The following SNTG2 variants were observed in gnomAD, a reference collection of about 807,000 sequenced individuals.
SNTG2 encodes gamma-2-syntrophin.
SNTG2 carries 74 observed loss-of-function variants against 70.9 expected under a neutral mutation model. That is an observed-to-expected ratio of 1.04 (90% CI 0.86 to 1.27). SNTG2 has a LOEUF of 1.27. Among genes scored for constraint, SNTG2 ranks in the 50% most tolerant of loss-of-function variants. The pLI, the probability that SNTG2 is intolerant of heterozygous loss-of-function variation, is 0.00. For missense variants in SNTG2, 717 were observed against 690.7 expected (o/e 1.04, Z -0.43); for synonymous variants, 278 against 273.8 (o/e 1.02, Z -0.15).
chr2:1,346,222 C>T (rs527398511), intron 16 of SNTG2, among the ~76,000 whole-genome samples: 512 of 35,352 alleles, frequency 0.014, 77 homozygotes, highest in Non-Finnish European at 0.019. Flanking sequence ...TGGCACTTTT[C>T]CCCCTGTTCT....
chr2:1,359,670 A>G (rs1661036859), intron 16 of SNTG2, among the ~76,000 whole-genome samples: 1 of 152,156 alleles, frequency 6.6e-6, no homozygotes, highest in Admixed American at 6.5e-5. Context: ...ACTCAAAAAT[A>G]ATATTATTTA....
intron 16 of SNTG2, among the ~76,000 whole-genome samples, chr2:1,327,571 T>C (rs905903005): frequency 6.6e-6 from 1 of 152,208 alleles, no homozygotes; most frequent in East Asian, 1.9e-4. Flanking sequence ...TTCTAATTTT[T>C]TGGAAAATTT....
chr2:959,168 T>C (rs1384332764), intron 1 of SNTG2, among the ~76,000 whole-genome samples: 2 of 152,102 alleles, frequency 1.3e-5, no homozygotes, highest in Non-Finnish European at 2.9e-5. Flanking sequence ...AAGAGGAAAA[T>C]CTAGTAGCTG....
At chr2:951,228 G>A (rs149168027) in intron 1 of SNTG2, among the ~76,000 whole-genome samples, 160 bp downstream of exon 1, 1 of 152,118 alleles carries the variant, frequency 6.6e-6, no homozygotes, top group Non-Finnish European at 1.5e-5. Flanking sequence ...CGGAGCCCCG[G>A]GACGCAGTGG....
intron 1 of SNTG2, among the ~76,000 whole-genome samples, chr2:1,016,091 A>G (rs1284978730): frequency 1.3e-5 from 2 of 152,216 alleles, no homozygotes; most frequent in Non-Finnish European, 2.9e-5. Context: ...GGCTATCTCC[A>G]TCAACATATC....
intron 15 of SNTG2, among the ~76,000 whole-genome samples, chr2:1,310,610 C>T (rs572332524): frequency 3.2e-4 from 48 of 152,060 alleles, no homozygotes; most frequent in Non-Finnish European, 6.2e-4. Context: ...AGACACATTT[C>T]CTACCTTCAT....
intron 1 of SNTG2, among the ~76,000 whole-genome samples, chr2:957,025 T>C (rs73908620): frequency 0.03 from 4,515 of 152,348 alleles, 214 homozygotes; most frequent in African/African-American, 0.1. Context: ...AATTATATTT[T>C]ACCAAATGGC....
intron 4 of SNTG2, among the ~76,000 whole-genome samples, chr2:1,116,630 GTGGGTGCTCCAGTGTA>G (rs1666998301): frequency 7.0e-6 from 1 of 142,842 alleles, no homozygotes; most frequent in African/African-American, 2.6e-5. Flanking sequence ...GCTCTGGTGT[GTGGGTGCTCCAGTGTA>G]TGAGTGCCCT....
At chr2:1,059,543 A>G (rs895901876) in intron 1 of SNTG2, among the ~76,000 whole-genome samples, 4 of 152,196 alleles carry the variant, frequency 2.6e-5, no homozygotes, top group Admixed American at 6.5e-5. Flanking sequence ...TGGAACTTTA[A>G]TCTTTTGGAT....
chr2:1,321,130 T>A (rs545835013), intron 16 of SNTG2, among the ~76,000 whole-genome samples: 1 of 152,238 alleles, frequency 6.6e-6, no homozygotes, highest in Non-Finnish European at 1.5e-5. Context: ...GTCAGGAAAA[T>A]GGGATACCTT....
chr2:1,116,042 T>C (rs1027338020), intron 4 of SNTG2, among the ~76,000 whole-genome samples: 6 of 152,152 alleles, frequency 3.9e-5, no homozygotes, highest in Non-Finnish European at 8.8e-5. Context: ...ACCAACACAC[T>C]AGTGAGGGAA....
intron 1 of SNTG2, among the ~76,000 whole-genome samples, chr2:1,041,130 A>C (rs1661412786): frequency 1.3e-5 from 2 of 152,166 alleles, no homozygotes; most frequent in Admixed American, 1.3e-4. Flanking sequence ...TGTACTTTCT[A>C]GGGCGAATTC....
chr2:1,047,211 CT>C (rs1661788733), intron 1 of SNTG2, among the ~76,000 whole-genome samples: 1 of 152,060 alleles, frequency 6.6e-6, no homozygotes, highest in Non-Finnish European at 1.5e-5. Flanking sequence ...CAGTTTGGTT[CT>C]TTTTAAAATG....
chr2:1,199,111 C>T (rs993183810), intron 8 of SNTG2, among the ~76,000 whole-genome samples: 2 of 140,328 alleles, frequency 1.4e-5, no homozygotes, highest in Non-Finnish European at 3.1e-5. Context: ...TTCTGATGAA[C>T]ACAGACACAA....
At chr2:1,315,105 A>C (rs1250130415) in intron 15 of SNTG2, among the ~76,000 whole-genome samples, 1 of 152,214 alleles carries the variant, frequency 6.6e-6, no homozygotes, top group African/African-American at 2.4e-5. Flanking sequence ...TGATGCCCAA[A>C]GTCTGTCCAG....
chr2:1,032,319 C>T lies in SNTG2; in HGVS notation c.73-51199C>T, dbSNP rs189603747. Among the ~76,000 whole-genome samples the T allele has an allele frequency of 2.8e-4, 42 of 152,110 alleles. 1 individual carries two copies. The highest frequency in any genetic ancestry group is 1.2e-3 in the Admixed American group (18 of 15,272). ...GAAACACACAGTGAATAAATGTAACCGAGAAATGACAGATTACAAAATGTT... is the reference window on the plus strand; with the variant it reads ...GAAACACACAGTGAATAAATGTAACTGAGAAATGACAGATTACAAAATGTT... On this transcript the variant is annotated intron_variant, in intron 1 of 16. Coordinates refer to ENST00000308624, the MANE Select transcript of SNTG2 (RefSeq NM_018968.4).
At chr2:1,318,617 G>C (rs576593944) in intron 16 of SNTG2, among the ~76,000 whole-genome samples, 6 of 152,376 alleles carry the variant, frequency 3.9e-5, no homozygotes, top group Non-Finnish European at 7.3e-5. Context: ...GCATCCTGGG[G>C]TCGTCAGCCA....
chr2:1,041,645 C>G (rs879643687), intron 1 of SNTG2, among the ~76,000 whole-genome samples: 82 of 152,086 alleles, frequency 5.4e-4, no homozygotes, highest in Admixed American at 2.6e-4. Flanking sequence ...CTCCCACTGC[C>G]TCTCTCTTGC....
At chr2:1,119,099 C>T (rs962443099) in intron 4 of SNTG2, among the ~76,000 whole-genome samples, 2 of 152,050 alleles carry the variant, frequency 1.3e-5, no homozygotes, top group Non-Finnish European at 2.9e-5. Context: ...AACTTGAAAG[C>T]CAGGAAAGAA....
Sources: gnomAD v4.1 joint callset for allele counts (sites outside exome capture counted in the v4.1 genomes callset) on GRCh38, gnomAD v4.1.1 for gene constraint, MANE v1.5 for transcripts, NCBI Gene and HGNC (gene_info 2026-07-23, HGNC 2026-07-21) for gene names.